The following NRXN3 variants were observed in gnomAD, a reference collection of about 807,000 sequenced individuals.
NRXN3 encodes neurexin 3, also known as neurexin III.
NRXN3 carries 32 observed loss-of-function variants against 137.6 expected under a neutral mutation model. That is an observed-to-expected ratio of 0.23 (90% CI 0.18 to 0.31). The LOEUF (loss-of-function observed/expected upper bound fraction) is 0.31, where lower values mean the gene tolerates loss of function less well. NRXN3 is among the 10% of genes least tolerant of loss of function. The probability of loss-of-function intolerance (pLI) is 1.00; values close to 1 mark genes in which losing one functional copy is unlikely to be tolerated. For synonymous variants in NRXN3, 798 were observed against 784.5 expected (o/e 1.02, Z -0.29); for missense variants, 1,574 against 2,062.5 (o/e 0.76, Z 4.59).
At chr14:78,957,186 G>C in intron 10 of NRXN3, 56 bp from the exon 11 acceptor site, 1 of 1,596,044 alleles carries the variant, frequency 6.3e-7, no homozygotes, top group South Asian at 1.1e-5. Context: ...CAACCCTGAT[G>C]CATGAGCACT....
chr14:79,295,964 T>C (rs1251284972), intron 15 of NRXN3, among the ~76,000 whole-genome samples: 2 of 152,202 alleles, frequency 1.3e-5, no homozygotes, highest in Non-Finnish European at 2.9e-5. Flanking sequence ...TTCCAGGCAC[T>C]GTCCAGGGTG....
intron 4 of NRXN3, among the ~76,000 whole-genome samples, chr14:78,611,964 A>G (rs957743268): frequency 3.3e-5 from 5 of 152,190 alleles, no homozygotes; most frequent in Admixed American, 2.0e-4. Flanking sequence ...CTATCTGCTC[A>G]TTACCTCCTA....
chr14:78,706,857 T>C (rs2098356565), intron 6 of NRXN3, among the ~76,000 whole-genome samples: 1 of 152,202 alleles, frequency 6.6e-6, no homozygotes, highest in Non-Finnish European at 1.5e-5. Flanking sequence ...GCAAACAGCT[T>C]TGCTTGATTC....
chr14:78,200,516 C>A (rs570477912), intron 1 of NRXN3, among the ~76,000 whole-genome samples: 2 of 152,146 alleles, frequency 1.3e-5, no homozygotes, highest in East Asian at 3.9e-4. Context: ...AGGGGTGGGA[C>A]CCAGCAAGTT....
At chr14:78,448,908 A>T (rs185837972) in intron 4 of NRXN3, among the ~76,000 whole-genome samples, 1 of 152,272 alleles carries the variant, frequency 6.6e-6, no homozygotes, top group East Asian at 1.9e-4. Flanking sequence ...TCCCGCTGAG[A>T]TGGGACAGAA....
intron 16 of NRXN3, among the ~76,000 whole-genome samples, chr14:79,631,312 C>CCTCG (rs1232298891): frequency 6.6e-6 from 1 of 152,244 alleles, no homozygotes; most frequent in Non-Finnish European, 1.5e-5. Context: ...TGCTAGCAGC[C>CCTCG]CTCGCTCGCT....
intron 1 of NRXN3, among the ~76,000 whole-genome samples, chr14:78,239,406 AAGG>A (rs1472845353): frequency 3.3e-5 from 5 of 152,176 alleles, no homozygotes; most frequent in Non-Finnish European, 5.9e-5. Context: ...AGTTGAATTG[AAGG>A]GTTTTCTCTT....
At chr14:78,822,500 C>T (rs2098953534) in intron 10 of NRXN3, among the ~76,000 whole-genome samples, 1 of 151,770 alleles carries the variant, frequency 6.6e-6, no homozygotes, top group African/African-American at 2.4e-5. Context: ...CATGGTGAAA[C>T]CCTGTCTCTG....
At chr14:79,211,294 C>T (rs7149225) in intron 15 of NRXN3, among the ~76,000 whole-genome samples, 31,541 of 152,040 alleles carry the variant, frequency 0.21, 3,543 homozygotes, top group East Asian at 0.37. Flanking sequence ...AGAAGAATGA[C>T]TGGCACTTCA....
chr14:78,746,011 G>A (rs144363962), intron 8 of NRXN3, among the ~76,000 whole-genome samples: 74 of 152,292 alleles, frequency 4.9e-4, no homozygotes, highest in Non-Finnish European at 8.5e-4. Context: ...AACATGCATA[G>A]TAAGAACTAT....
chr14:79,498,809 G>A (rs1321920908), intron 16 of NRXN3, among the ~76,000 whole-genome samples: 1 of 152,184 alleles, frequency 6.6e-6, no homozygotes, highest in Non-Finnish European at 1.5e-5. Context: ...TTAAGAGACA[G>A]GGTCTTGCTC....
At chr14:79,050,264 A>G (rs931037115) in intron 15 of NRXN3, among the ~76,000 whole-genome samples, 1 of 152,214 alleles carries the variant, frequency 6.6e-6, no homozygotes. Context: ...TTTTCAAAGC[A>G]CATTATAAAC....
At chr14:78,920,494 CA>C in intron 10 of NRXN3, among the ~76,000 whole-genome samples, 1 of 152,102 alleles carries the variant, frequency 6.6e-6, no homozygotes. Context: ...TCTTTTCTGA[CA>C]ACCACTTCTC....
chr14:79,852,207 G>A (rs962621646), intron 20 of NRXN3, among the ~76,000 whole-genome samples: 3 of 140,352 alleles, frequency 2.1e-5, no homozygotes, highest in African/African-American at 7.9e-5. Context: ...TCCAATTCCT[G>A]TCAATACAGG....
At chr14:79,782,009 G>C (rs201757426) in intron 19 of NRXN3, among the ~76,000 whole-genome samples, 2 of 152,158 alleles carry the variant, frequency 1.3e-5, no homozygotes, top group East Asian at 3.9e-4. Context: ...CACTGCTGAA[G>C]AGCAAGCCTG....
intron 16 of NRXN3, among the ~76,000 whole-genome samples, chr14:79,552,530 TA>T (rs1234991246): frequency 1.3e-5 from 2 of 152,056 alleles, no homozygotes; most frequent in Admixed American, 1.3e-4. Flanking sequence ...ACAAATTTAT[TA>T]ACATGCAGAT....
In NRXN3 at chr14:79,464,624, T is replaced by C. The variant is rs1338591895; in HGVS notation, c.3263-2597T>C. On this transcript the variant is annotated intron_variant, in intron 15 of 20. Coordinates refer to ENST00000335750, the MANE Select transcript of NRXN3 (RefSeq NM_001330195.2). ...CATGCCAAATTTGGGGGCTGTGACTTTGTTTTCATTCTGCTTTAGTCTGAT... is the reference window on the plus strand; with the variant it reads ...CATGCCAAATTTGGGGGCTGTGACTCTGTTTTCATTCTGCTTTAGTCTGAT... 2.0e-5 allele frequency among the ~76,000 whole-genome samples: 3 copies of C among 152,164 alleles called. No individual in the cohort carries two copies. In the East Asian group the frequency reaches 5.8e-4, roughly 29 times the overall value.
Position 78,737,393 on chromosome 14 carries a change from C to T in NRXN3, c.2044+22254C>T, listed in dbSNP as rs140163590. 5.0e-3 allele frequency among the ~76,000 whole-genome samples: 756 copies of T among 152,266 alleles called. 4 individuals carry two copies. The highest frequency in any genetic ancestry group is 8.2e-3 in the Non-Finnish European group (558 of 68,022). ...GTTGGCCCTAAGGCACCTTACCCTG[C>T]ACCCCAAGATGAACACTAAAAATCT... On this transcript the variant is annotated intron_variant, in intron 8 of 20. Coordinates refer to ENST00000335750, the MANE Select transcript of NRXN3 (RefSeq NM_001330195.2).
At chr14:78,259,307 C>T (rs141971218) in intron 2 of NRXN3, among the ~76,000 whole-genome samples, 17 of 152,158 alleles carry the variant, frequency 1.1e-4, no homozygotes, top group East Asian at 3.9e-4. Flanking sequence ...AAGAAACAAA[C>T]GCAGAGAAAT....
Sources: allele counts gnomAD v4.1 joint callset (sites outside exome capture counted in the v4.1 genomes callset), GRCh38; gene constraint gnomAD v4.1.1; transcripts MANE v1.5; gene names NCBI Gene and HGNC (gene_info 2026-07-23, HGNC 2026-07-21).